Variants in CFTR observed in about 807,000 individuals in gnomAD.
The protein encoded by CFTR is CF transmembrane conductance regulator.
In CFTR, 181 loss-of-function variants were observed where a neutral mutation model predicts 171.6. That is an observed-to-expected ratio of 1.05 (90% CI 0.93 to 1.19). CFTR has a LOEUF of 1.19. Ranked by LOEUF, CFTR falls within the 50% of genes most tolerant of loss-of-function variation. The pLI, the probability that CFTR is intolerant of heterozygous loss-of-function variation, is 0.00. For missense variants in CFTR, 1,968 were observed against 1,734.7 expected (o/e 1.13, Z -2.39); for synonymous variants, 583 against 608.0 (o/e 0.96, Z 0.60).
intron 10 of CFTR, among the ~76,000 whole-genome samples, chr7:117,557,044 T>C (rs1331894892): frequency 2.0e-5 from 3 of 152,104 alleles, no homozygotes; most frequent in Non-Finnish European, 4.4e-5. Context: ...GAGTTAGATG[T>C]TTGACGCTTT....
At chr7:117,640,303 A>G (rs1170511606) in intron 22 of CFTR, among the ~76,000 whole-genome samples, 2 of 152,148 alleles carry the variant, frequency 1.3e-5, no homozygotes, top group Non-Finnish European at 2.9e-5. Context: ...TGTGTCAGAT[A>G]TCATGCATTA....
At chr7:117,550,181 A>G (rs1401091244) in intron 10 of CFTR, among the ~76,000 whole-genome samples, 1 of 152,018 alleles carries the variant, frequency 6.6e-6, no homozygotes, top group Non-Finnish European at 1.5e-5. Flanking sequence ...CAAAAAACAC[A>G]AACAAAAGAA....
chr7:117,536,986 G>C (rs886982342), intron 7 of CFTR, among the ~76,000 whole-genome samples: 1 of 152,122 alleles, frequency 6.6e-6, no homozygotes, highest in Non-Finnish European at 1.5e-5. Flanking sequence ...GATACTGAAG[G>C]CTGATTGGTA....
At chr7:117,571,367 G>A (rs1486123594) in intron 11 of CFTR, among the ~76,000 whole-genome samples, 2 of 152,096 alleles carry the variant, frequency 1.3e-5, no homozygotes, top group African/African-American at 4.8e-5. Flanking sequence ...TTTTTTTCAC[G>A]GGTTGGATTT....
chr7:117,563,306 T>C (rs1032710243), intron 11 of CFTR, among the ~76,000 whole-genome samples: 1 of 152,148 alleles, frequency 6.6e-6, no homozygotes, highest in Admixed American at 6.6e-5. Flanking sequence ...TTGATGGTAC[T>C]ATTTGCTATA....
chr7:117,496,156 A>ATT (rs148934096), intron 1 of CFTR, among the ~76,000 whole-genome samples: 206 of 151,622 alleles, frequency 1.4e-3, no homozygotes, highest in Non-Finnish European at 1.4e-3. Context: ...TTCACTTAGC[A>ATT]TTTTTTTTCA....
rs141880790 is a variant in CFTR at position 117,592,521 on chromosome 7, G to A, written c.2354G>A (p.Arg785Gln). The A allele has an allele frequency of 3.5e-5, 53 of 1,527,850 alleles. No homozygotes were observed. Among genetic ancestry groups the A allele is most frequent in the Non-Finnish European group, 4.1e-5 (47 of 1,140,768 alleles). 94.6% of individuals were successfully genotyped at this position (1,527,850 alleles called of 1,614,324 possible). ...HSVNQGQNIHRKTTASTRKVS... is the reference protein window; with the variant it reads ...HSVNQGQNIHQKTTASTRKVS... ...GTTAACCAAGGTCAGAACATTCACC[G>A]AAAGACAACAGCATCCACACGAAAA... The change falls in exon 14 of 27, where the codon CGA (arginine) becomes CAA (glutamine). Residue 785 changes from arginine (R) to glutamine (Q), a missense_variant. Coordinates refer to ENST00000003084, the MANE Select transcript of CFTR (RefSeq NM_000492.4).
At chr7:117,615,238 T>G (rs577656963) in intron 21 of CFTR, among the ~76,000 whole-genome samples, 1 of 152,216 alleles carries the variant, frequency 6.6e-6, no homozygotes, top group African/African-American at 2.4e-5. Flanking sequence ...GTCACCTAGT[T>G]TTTTCTTCCT....
intron 6 of CFTR, 97 bp downstream of exon 6, chr7:117,535,508 A>G: frequency 1.2e-6 from 1 of 857,744 alleles, no homozygotes; most frequent in Non-Finnish European, 1.9e-6. Flanking sequence ...TAGAACAGTG[A>G]TCTTCAGTGT....
At chr7:117,484,824 T>C (rs1203390312) in intron 1 of CFTR, among the ~76,000 whole-genome samples, 5 of 152,094 alleles carry the variant, frequency 3.3e-5, no homozygotes, top group Non-Finnish European at 7.4e-5. Context: ...GTTTTTTATA[T>C]GCTAGTTAAA....
At chr7:117,649,302 G>A (rs1041757925) in intron 23 of CFTR, among the ~76,000 whole-genome samples, 10 of 148,348 alleles carry the variant, frequency 6.7e-5, no homozygotes, top group Middle Eastern at 3.6e-3. Context: ...GTGTGTGTGT[G>A]TATATGTGTG....
chr7:117,606,984 A>G (rs1792309895), intron 18 of CFTR, among the ~76,000 whole-genome samples: 1 of 152,174 alleles, frequency 6.6e-6, no homozygotes, highest in South Asian at 2.1e-4. Flanking sequence ...ATTTAGATGT[A>G]ATAGCTGTCT....
At chr7:117,596,959 A>C (rs2116045304) in intron 15 of CFTR, among the ~76,000 whole-genome samples, 1 of 152,302 alleles carries the variant, frequency 6.6e-6, no homozygotes, top group African/African-American at 2.4e-5. Flanking sequence ...ACCAATCAGC[A>C]CCCTGTCAAA....
chr7:117,622,472 A>AC (rs1392778181), intron 21 of CFTR, among the ~76,000 whole-genome samples: 1 of 152,144 alleles, frequency 6.6e-6, no homozygotes, highest in African/African-American at 2.4e-5. Context: ...TGTACTTCAT[A>AC]CTTAGAAAAT....
intron 21 of CFTR, among the ~76,000 whole-genome samples, chr7:117,625,172 C>G (rs1453025937): frequency 6.6e-6 from 1 of 152,148 alleles, no homozygotes; most frequent in Non-Finnish European, 1.5e-5. Flanking sequence ...AGTGCCCAGT[C>G]TTAAGATTAA....
chr7:117,539,482 C>G (rs536680078), intron 7 of CFTR, among the ~76,000 whole-genome samples: 1 of 151,528 alleles, frequency 6.6e-6, no homozygotes, highest in Non-Finnish European at 1.5e-5. Flanking sequence ...CAGTCAGTAT[C>G]TCTAAGAGGC....
chr7:117,642,328 G>A, intron 22 of CFTR, 110 bp from the exon 23 acceptor site: 3 of 1,090,996 alleles, frequency 2.7e-6, no homozygotes, highest in Non-Finnish European at 4.2e-6. Flanking sequence ...TCTTCCACTG[G>A]TGACAGGATA....
intron 24 of CFTR, 69 bp from the exon 25 acceptor site, chr7:117,664,619 A>C: frequency 7.0e-7 from 1 of 1,431,394 alleles, no homozygotes; most frequent in Non-Finnish European, 9.9e-7. Flanking sequence ...TCCTGTGTTT[A>C]TTTTTAGAAT....
At chr7:117,505,829 C>T (rs768455617) in intron 2 of CFTR, among the ~76,000 whole-genome samples, 3 of 152,000 alleles carry the variant, frequency 2.0e-5, no homozygotes, top group Non-Finnish European at 4.4e-5. Flanking sequence ...CTTTTTTTGG[C>T]ATTTTGAAGG....
Sources: allele counts gnomAD v4.1 joint callset (sites outside exome capture counted in the v4.1 genomes callset), GRCh38; gene constraint gnomAD v4.1.1; transcripts MANE v1.5; gene names NCBI Gene and HGNC (gene_info 2026-07-23, HGNC 2026-07-21).